The following NDST4 variants were observed in gnomAD, a reference collection of about 807,000 sequenced individuals.
NDST4 encodes N-deacetylase and N-sulfotransferase 4.
NDST4 carries 63 observed loss-of-function variants against 100.8 expected under a neutral mutation model. The ratio of observed to expected loss-of-function variants is 0.62; its 90% CI spans 0.51 to 0.77. The LOEUF is 0.77. Among genes scored for constraint, NDST4 ranks in the 30% least tolerant of loss-of-function variants. The pLI is 0.00. For missense variants in NDST4, 943 were observed against 1,018.4 expected (o/e 0.93, Z 1.01); for synonymous variants, 377 against 361.8 (o/e 1.04, Z -0.48).
At position 115,068,597 on chromosome 4, in the gene NDST4, A is replaced by C. The variant is rs551391955; in HGVS notation, c.978+7462T>G. On this transcript the variant is annotated intron_variant, in intron 2 of 13. Coordinates refer to ENST00000264363, the MANE Select transcript of NDST4 (RefSeq NM_022569.3). ...GCTGAGGAGGGCAGATCATGAGATC[A>C]GGAGATCGAGACCATCCTGGCTAAC... 3.6e-3 allele frequency among the ~76,000 whole-genome samples: 544 copies of C among 151,158 alleles called. 2 individuals are homozygous for C. Among genetic ancestry groups the C allele is most frequent in the South Asian group, 4.4e-3 (21 of 4,786 alleles).
At position 115,066,079 on chromosome 4, in the gene NDST4, G is replaced by T. The variant is rs1223974858; in HGVS notation, c.978+9980C>A. On this transcript the variant is annotated intron_variant, in intron 2 of 13. Coordinates refer to ENST00000264363, the MANE Select transcript of NDST4 (RefSeq NM_022569.3). ...CTTGGTCCCCATTGTGTACAATCAT[G>T]TTGGCATGATATATATTGCATTCTG... 2.0e-5 allele frequency among the ~76,000 whole-genome samples: 3 copies of T among 152,140 alleles called. No homozygotes were observed. The East Asian group carries it at 5.8e-4, about 29-fold the overall frequency.
chr4:115,106,866 T>C (rs1176131164), intron 1 of NDST4, among the ~76,000 whole-genome samples: 1 of 152,072 alleles, frequency 6.6e-6, no homozygotes, highest in Non-Finnish European at 1.5e-5. Flanking sequence ...GATTTAGTAA[T>C]AGCACTGAGA....
intron 2 of NDST4, among the ~76,000 whole-genome samples, chr4:115,058,683 T>C (rs575523855): frequency 5.7e-4 from 87 of 152,208 alleles, no homozygotes; most frequent in African/African-American, 1.1e-3. Context: ...TTCTCCTACT[T>C]TGAGGTAAAG....
At chr4:115,049,344 G>C (rs1448443725) in intron 2 of NDST4, among the ~76,000 whole-genome samples, 1 of 151,920 alleles carries the variant, frequency 6.6e-6, no homozygotes, top group Non-Finnish European at 1.5e-5. Context: ...AGCAGGTAAT[G>C]TATAGAAGAA....
chr4:115,064,754 C>T (rs1488606176), intron 2 of NDST4, among the ~76,000 whole-genome samples: 1 of 152,058 alleles, frequency 6.6e-6, no homozygotes, highest in Non-Finnish European at 1.5e-5. Context: ...ATTGGTTTAT[C>T]ACCGAATATT....
intron 6 of NDST4, among the ~76,000 whole-genome samples, chr4:114,876,173 G>A (rs963564999): frequency 1.3e-5 from 2 of 152,142 alleles, no homozygotes; most frequent in African/African-American, 2.4e-5. Context: ...TTGTGCTCAC[G>A]CTGCAGCACA....
chr4:114,981,666 C>T (rs1345669635), intron 2 of NDST4, among the ~76,000 whole-genome samples: 1 of 152,176 alleles, frequency 6.6e-6, no homozygotes, highest in Non-Finnish European at 1.5e-5. Flanking sequence ...ACCATTAGAA[C>T]ATTAGTGTCC....
chr4:115,019,188 G>A (rs1727753826), intron 2 of NDST4, among the ~76,000 whole-genome samples: 1 of 151,894 alleles, frequency 6.6e-6, no homozygotes, highest in African/African-American at 2.4e-5. Flanking sequence ...ACATGTTATG[G>A]CAAGTATATA....
chr4:114,849,217 G>A lies in NDST4; in HGVS notation c.1817-879C>T, dbSNP rs371029053. On this transcript the variant is annotated intron_variant, in intron 8 of 13. Transcript: ENST00000264363. ...TAATCTCTGAACCTTATTTCCCTCA[G>A]AGCCAGGCCGGAGACTGGCAGCTAG... is the stretch of plus-strand genomic sequence containing the variant. Among the ~76,000 whole-genome samples the A allele has an allele frequency of 3.3e-5, 5 of 152,286 alleles. 1 individual carries two copies. In the East Asian group the frequency reaches 9.6e-4, roughly 29 times the overall value.
At chr4:115,006,061 A>T (rs1429823309) in intron 2 of NDST4, among the ~76,000 whole-genome samples, 1 of 150,084 alleles carries the variant, frequency 6.7e-6, no homozygotes, top group Non-Finnish European at 1.5e-5. Context: ...AAGAAGAAGA[A>T]GGAGAGATAG....
At chr4:114,941,761 C>T (rs1489217572) in intron 4 of NDST4, among the ~76,000 whole-genome samples, 4 of 152,096 alleles carry the variant, frequency 2.6e-5, no homozygotes, top group Admixed American at 6.6e-5. Flanking sequence ...TTCTGAGAGT[C>T]CCTGCAGGAG....
chr4:114,974,647 A>G (rs1726589370), intron 3 of NDST4, among the ~76,000 whole-genome samples: 1 of 151,916 alleles, frequency 6.6e-6, no homozygotes, highest in Non-Finnish European at 1.5e-5. Context: ...TTCATTCTAA[A>G]CTCCGTGCTT....
intron 2 of NDST4, among the ~76,000 whole-genome samples, chr4:115,048,332 A>T (rs1023986163): frequency 1.3e-5 from 2 of 152,202 alleles, no homozygotes; most frequent in Non-Finnish European, 2.9e-5. Flanking sequence ...AAAACAAATC[A>T]TTGAAAGAAA....
At chr4:115,048,724 G>A (rs1476880882) in intron 2 of NDST4, among the ~76,000 whole-genome samples, 2 of 151,984 alleles carry the variant, frequency 1.3e-5, no homozygotes, top group Non-Finnish European at 2.9e-5. Flanking sequence ...GGCAACCTCC[G>A]CCTCCGTGGT....
At chr4:114,925,637 A>G (rs1213839556) in intron 6 of NDST4, among the ~76,000 whole-genome samples, 1 of 152,134 alleles carries the variant, frequency 6.6e-6, no homozygotes, top group Non-Finnish European at 1.5e-5. Flanking sequence ...TGTCAATTTC[A>G]AGTACACCAC....
chr4:114,983,262 C>G (rs746640320), intron 2 of NDST4, among the ~76,000 whole-genome samples: 1 of 152,168 alleles, frequency 6.6e-6, no homozygotes, highest in Non-Finnish European at 1.5e-5. Context: ...AATTCACTGA[C>G]CAGCTTCCAC....
intron 2 of NDST4, among the ~76,000 whole-genome samples, chr4:115,047,860 AAAG>A (rs1199869502): frequency 6.6e-6 from 1 of 152,176 alleles, no homozygotes; most frequent in Non-Finnish European, 1.5e-5. Flanking sequence ...ACCTTCAATA[AAAG>A]AATATTATAA....
At chr4:114,912,443 T>C (rs1304000288) in intron 6 of NDST4, among the ~76,000 whole-genome samples, 1 of 152,158 alleles carries the variant, frequency 6.6e-6, no homozygotes, top group Non-Finnish European at 1.5e-5. Flanking sequence ...ACATATTTGA[T>C]AGACACTGAG....
In NDST4 at chr4:114,834,731, G is replaced by A. The variant is rs1723275035; in HGVS notation, c.2287-1016C>T. 2.0e-5 allele frequency among the ~76,000 whole-genome samples: 3 copies of A among 152,114 alleles called. No individual in the cohort carries two copies. The South Asian group carries it at 6.2e-4, about 32-fold the overall frequency. On this transcript the variant is annotated intron_variant, in intron 11 of 13. Transcript: ENST00000264363. ...AACTCTGGTAGAATTCGGCTGTGAA[G>A]CAGTCTGATCCTGTGTTTTTGGTGG...
Sources: allele counts gnomAD v4.1 joint callset (sites outside exome capture counted in the v4.1 genomes callset), GRCh38; gene constraint gnomAD v4.1.1; transcripts MANE v1.5; gene names NCBI Gene and HGNC (gene_info 2026-07-23, HGNC 2026-07-21).